Variants in C1orf185 observed in about 807,000 individuals in gnomAD.
The protein encoded by C1orf185 is uncharacterized protein C1orf185.
A neutral mutation model predicts 16.1 loss-of-function variants in C1orf185; 13 were observed. The observed-to-expected ratio is 0.81, with a 90% CI of 0.53 to 1.28. C1orf185 has a LOEUF of 1.28. Ranked by LOEUF, C1orf185 falls within the 50% of genes most tolerant of loss-of-function variation. The probability of loss-of-function intolerance (pLI) is 0.00; values close to 1 mark genes in which losing one functional copy is unlikely to be tolerated. For missense variants in C1orf185, 220 were observed against 225.2 expected (o/e 0.98, Z 0.15); for synonymous variants, 80 against 76.9 (o/e 1.04, Z -0.21).
chr1:51,123,011 A>G (rs1266744132), intron 3 of C1orf185, among the ~76,000 whole-genome samples: 1 of 152,188 alleles, frequency 6.6e-6, no homozygotes, highest in East Asian at 1.9e-4. Flanking sequence ...TATTTCTTAC[A>G]GTCTGGAGTT....
At chr1:51,151,979 G>A (rs1013513360), downstream of C1orf185, among the ~76,000 whole-genome samples, 12 of 152,150 alleles carry the variant, frequency 7.9e-5, no homozygotes, top group South Asian at 1.0e-3. Context: ...GTGAGCCACC[G>A]TGCTCAGCCT....
chr1:51,149,340 A>G (rs1646419307), downstream of C1orf185, among the ~76,000 whole-genome samples: 1 of 152,180 alleles, frequency 6.6e-6, no homozygotes. Context: ...ACCCAGGCCT[A>G]TCATTCCTAT....
downstream of C1orf185, among the ~76,000 whole-genome samples, chr1:51,150,373 A>G (rs1335455871): frequency 6.6e-6 from 1 of 151,988 alleles, no homozygotes; most frequent in East Asian, 1.9e-4. Context: ...TTGTATTTTT[A>G]GTAGAGACGG....
chr1:51,102,301 A>G (rs1372490136), intron 1 of C1orf185, 52 bp downstream of exon 1: 1 of 706,886 alleles, frequency 1.4e-6, no homozygotes, highest in Non-Finnish European at 2.6e-6. Flanking sequence ...AAGAAGAGGA[A>G]AATATATTTA....
chr1:51,135,542 A>C (rs760781448), intron 3 of C1orf185, among the ~76,000 whole-genome samples: 69 of 152,216 alleles, frequency 4.5e-4, no homozygotes, highest in South Asian at 1.0e-3. Flanking sequence ...TCTGTCAAAA[A>C]CAAAACAAAA....
intron 1 of C1orf185, among the ~76,000 whole-genome samples, chr1:51,112,196 A>G (rs1228141804): frequency 6.6e-6 from 1 of 152,052 alleles, no homozygotes; most frequent in African/African-American, 2.4e-5. Flanking sequence ...TGGCAGCTGT[A>G]CAAACACAAA....
chr1:51,106,685 A>C (rs1361714643), intron 1 of C1orf185, among the ~76,000 whole-genome samples: 1 of 152,108 alleles, frequency 6.6e-6, no homozygotes, highest in Non-Finnish European at 1.5e-5. Flanking sequence ...AAGGAAAAGG[A>C]AAAAGAATAG....
At chr1:51,146,622 A>G (rs1285377187) in intron 4 of C1orf185, among the ~76,000 whole-genome samples, 1 of 152,174 alleles carries the variant, frequency 6.6e-6, no homozygotes, top group African/African-American at 2.4e-5. Flanking sequence ...CAGCCTAAAT[A>G]CTATAATGGG....
At chr1:51,129,213 G>A (rs1337729291) in intron 3 of C1orf185, among the ~76,000 whole-genome samples, 1 of 152,026 alleles carries the variant, frequency 6.6e-6, no homozygotes, top group East Asian at 1.9e-4. Flanking sequence ...ATTTTTTGTA[G>A]AGATGGGGTC....
chr1:51,131,403 A>G (rs1451644183), intron 3 of C1orf185, among the ~76,000 whole-genome samples: 1 of 152,208 alleles, frequency 6.6e-6, no homozygotes, highest in East Asian at 1.9e-4. Flanking sequence ...AGTCAGTGGT[A>G]AGAGCTACTG....
intron 2 of C1orf185, among the ~76,000 whole-genome samples, chr1:51,114,520 C>T (rs1408081058): frequency 6.6e-6 from 1 of 151,986 alleles, no homozygotes; most frequent in Non-Finnish European, 1.5e-5. Context: ...GCTAAGAGTT[C>T]GAGACCAGCC....
At chr1:51,130,003 T>A (rs72692279) in intron 3 of C1orf185, among the ~76,000 whole-genome samples, 2,402 of 152,328 alleles carry the variant, frequency 0.016, 23 homozygotes, top group Middle Eastern at 0.034. Flanking sequence ...ATCAATAGTT[T>A]GTTCTTTTTC....
chr1:51,135,786 A>T (rs1341907951), intron 3 of C1orf185, among the ~76,000 whole-genome samples: 1 of 152,172 alleles, frequency 6.6e-6, no homozygotes, highest in East Asian at 1.9e-4. Flanking sequence ...TATTCAACAT[A>T]GTACAGGAAG....
chr1:51,114,191 G>A (rs1247470711), intron 2 of C1orf185, among the ~76,000 whole-genome samples: 1 of 152,162 alleles, frequency 6.6e-6, no homozygotes, highest in Non-Finnish European at 1.5e-5. Context: ...AGTGAGAAAG[G>A]GAAACAATCA....
intron 3 of C1orf185, among the ~76,000 whole-genome samples, chr1:51,135,098 A>G (rs140165265): frequency 6.6e-6 from 1 of 152,232 alleles, no homozygotes; most frequent in Non-Finnish European, 1.5e-5. Flanking sequence ...AACAATCCTC[A>G]ACAAAATACT....
At chr1:51,109,773 A>G (rs749649487) in intron 1 of C1orf185, among the ~76,000 whole-genome samples, 1 of 152,158 alleles carries the variant, frequency 6.6e-6, no homozygotes, top group African/African-American at 2.4e-5. Flanking sequence ...TGCCAATGCT[A>G]TGCTGTTTTG....
chr1:51,129,117 T>G (rs567292280), intron 3 of C1orf185, among the ~76,000 whole-genome samples: 2 of 152,272 alleles, frequency 1.3e-5, no homozygotes, highest in African/African-American at 4.8e-5. Context: ...ACTCCTGACC[T>G]CAGGCGATCC....
chr1:51,137,493 C>T (rs1438672964), intron 3 of C1orf185, among the ~76,000 whole-genome samples: 1 of 151,960 alleles, frequency 6.6e-6, no homozygotes, highest in African/African-American at 2.4e-5. Context: ...GAGATCATGC[C>T]ACTGCACTCC....
At chr1:51,136,897 A>C (rs1646329290) in intron 3 of C1orf185, among the ~76,000 whole-genome samples, 1 of 152,204 alleles carries the variant, frequency 6.6e-6, no homozygotes, top group Non-Finnish European at 1.5e-5. Context: ...CAAAAGCAAA[A>C]ATTGACAAAT....
Sources: gnomAD v4.1 joint callset for allele counts (sites outside exome capture counted in the v4.1 genomes callset) on GRCh38, gnomAD v4.1.1 for gene constraint, MANE v1.5 for transcripts, NCBI Gene and HGNC (gene_info 2026-07-23, HGNC 2026-07-21) for gene names.